The following FERMT2 variants were observed in gnomAD, a reference collection of about 807,000 sequenced individuals.
FERMT2 encodes the protein fermitin family homolog 2.
In FERMT2, 15 loss-of-function variants were observed where a neutral mutation model predicts 82.7. The observed-to-expected ratio is 0.18, with a 90% confidence interval of 0.12 to 0.28. FERMT2 has a LOEUF of 0.28. Among genes scored for constraint, FERMT2 ranks in the 10% least tolerant of loss-of-function variants. FERMT2 has a pLI of 1.00. For missense variants in FERMT2, 645 were observed against 809.4 expected, an observed-to-expected ratio of 0.80 and a Z score of 2.46; for synonymous variants, 274 against 271.5, an observed-to-expected ratio of 1.01 and a Z score of -0.09.
chr14:52,888,496 T>C (rs1886739329), intron 4 of FERMT2, among the ~76,000 whole-genome samples: 1 of 152,248 alleles, frequency 6.6e-6, no homozygotes, highest in African/African-American at 2.4e-5. Flanking sequence ...TCTGGAACTA[T>C]TACAAAATTA....
At chr14:52,891,618 G>T (rs1886938698) in intron 4 of FERMT2, among the ~76,000 whole-genome samples, 2 of 152,068 alleles carry the variant, frequency 1.3e-5, no homozygotes, top group Admixed American at 1.3e-4. Context: ...ATGAAATAGT[G>T]GTGGGCACTG....
intron 4 of FERMT2, among the ~76,000 whole-genome samples, chr14:52,891,572 T>C (rs566140086): frequency 2.6e-5 from 4 of 152,140 alleles, no homozygotes; most frequent in East Asian, 1.9e-4. Flanking sequence ...CAAAGAGCTG[T>C]AGTGAGAATT....
chr14:52,907,926 T>C (rs138479194), intron 3 of FERMT2, among the ~76,000 whole-genome samples: 5 of 152,320 alleles, frequency 3.3e-5, no homozygotes, highest in African/African-American at 1.2e-4. Flanking sequence ...AAGCCACAGA[T>C]TGTGAGAAAA....
rs2140118302 is a variant in FERMT2, at chr14:52,881,296, C to A, written c.700G>T (p.Ala234Ser). ...SQPITSPEIL[A>S]KMFKPQALLD... ...AGAGCTTGAGGCTTGAACATTTTTG[C>A]CAAGATTTCTGGTGACGTGATTGGT... The change falls in exon 5 of 15, where the codon GCA becomes TCA. Residue 234 changes from alanine to serine, a missense_variant. Ala to Ser is a moderately conservative substitution (Grantham distance 99). Transcript: ENST00000341590. 6.2e-7 allele frequency: 1 copy of A among 1,613,910 alleles called. No individual in the cohort carries two copies. The highest frequency in any genetic ancestry group is 8.5e-7 in the Non-Finnish European group (1 of 1,179,970).
intron 3 of FERMT2, among the ~76,000 whole-genome samples, chr14:52,905,849 T>C (rs1049951372): frequency 2.0e-5 from 3 of 152,208 alleles, no homozygotes; most frequent in East Asian, 1.9e-4. Flanking sequence ...TTTGTTATTA[T>C]ATGTAATGCT....
intron 4 of FERMT2, among the ~76,000 whole-genome samples, chr14:52,884,955 T>C (rs376166116): frequency 4.0e-5 from 6 of 151,034 alleles, no homozygotes; most frequent in African/African-American, 1.5e-4. Flanking sequence ...TGAGCAGAGA[T>C]TGTGCCACTG....
intron 3 of FERMT2, among the ~76,000 whole-genome samples, chr14:52,913,420 C>T (rs894601067): frequency 6.6e-6 from 1 of 152,124 alleles, no homozygotes; most frequent in African/African-American, 2.4e-5. Context: ...ACCACTTCTG[C>T]CACTAGAATG....
At chr14:52,948,207 C>T (rs192208675) in intron 2 of FERMT2, among the ~76,000 whole-genome samples, 77 of 152,318 alleles carry the variant, frequency 5.1e-4, no homozygotes, top group African/African-American at 1.7e-3. Flanking sequence ...AGTAGTCATC[C>T]AGTCTGCCCT....
At position 52,881,396 on chromosome 14, in the gene FERMT2, G is replaced by C. The variant is rs772139583; in HGVS notation, c.600C>G (p.Pro200=). 1 of 1,613,964 alleles carries C rather than the reference G, an allele frequency of 6.2e-7. No homozygotes were observed. The highest frequency in any genetic ancestry group is 1.1e-5 in the South Asian group (1 of 91,078). Residue 200 remains proline (P), a synonymous_variant, in exon 5 of 15, where the codon CCC becomes CCG. Coordinates refer to ENST00000341590, the MANE Select transcript of FERMT2 (RefSeq NM_006832.3). ...CAAACCAAGCAGAAGTTGGTGACAA[G>C]GGGCTTCCATCATGAGCATCATAAG... is the stretch of plus-strand genomic sequence containing the variant. ...TPTYDAHDGS[P]LSPTSAWFGD...
chr14:52,902,927 C>CAAAAAAAAAAAA (rs761269935), intron 3 of FERMT2, among the ~76,000 whole-genome samples: 1 of 63,868 alleles, frequency 1.6e-5, no homozygotes, highest in Admixed American at 1.8e-4. Flanking sequence ...TGATAGCCAC[C>CAAAAAAAAAAAA]AAAAAAAAAA....
chr14:52,880,958 G>T, intron 6 of FERMT2, 78 bp downstream of exon 6: 1 of 870,176 alleles, frequency 1.1e-6, no homozygotes, highest in Non-Finnish European at 1.8e-6. Flanking sequence ...TTATTCCACC[G>T]ACTTCCAAAA....
chr14:52,943,139 C>A (rs1043115198), intron 2 of FERMT2, among the ~76,000 whole-genome samples: 2 of 144,362 alleles, frequency 1.4e-5, no homozygotes, highest in African/African-American at 2.7e-5. Flanking sequence ...ACTTGGGAGG[C>A]GGAGGTTGCA....
At chr14:52,910,359 A>T (rs763852731) in intron 3 of FERMT2, among the ~76,000 whole-genome samples, 2 of 152,346 alleles carry the variant, frequency 1.3e-5, no homozygotes, top group Middle Eastern at 3.4e-3. Flanking sequence ...TTGATAACAC[A>T]GAATGGTAAC....
rs1886866628 is a variant in FERMT2, at chr14:52,890,373, G to A, written c.526+2920C>T. On this transcript the variant is annotated intron_variant, in intron 4 of 14. Transcript: ENST00000341590. ...GCAGGAGAATCGCTTGAACCCAGGA[G>A]GCGGAGGTTGCAGTGAGCCGAGATC... Among the ~76,000 whole-genome samples the A allele has an allele frequency of 3.3e-5, 5 of 150,130 alleles. 1 individual carries two copies. Among genetic ancestry groups the A allele is most frequent in the African/African-American group, 9.8e-5 (4 of 40,934 alleles).
intron 3 of FERMT2, among the ~76,000 whole-genome samples, chr14:52,911,855 C>T (rs1888330513): frequency 6.6e-6 from 1 of 151,794 alleles, no homozygotes; most frequent in Admixed American, 6.6e-5. Context: ...TATTTAAGAC[C>T]AATTAGCTGT....
rs560990473 is a variant in FERMT2 at position 52,914,501 on chromosome 14, C to A, written c.391+4622G>T. 8.5e-5 allele frequency among the ~76,000 whole-genome samples: 13 copies of A among 152,246 alleles called. 1 individual carries two copies. In the South Asian group the frequency reaches 2.7e-3, roughly 32 times the overall value. On this transcript the variant is annotated intron_variant, in intron 3 of 14. Coordinates refer to ENST00000341590, the MANE Select transcript of FERMT2 (RefSeq NM_006832.3). ...AACACAACAACAGTCATCATTACCG[C>A]TATTATGCAATACTGTACTAGAGGT...
chr14:52,872,832 T>G lies in FERMT2; in HGVS notation c.1240A>C (p.Ser414Arg). The change falls in exon 10 of 15, where the codon AGT becomes CGT. Residue 414 changes from serine to arginine, a missense_variant. Transcript: ENST00000341590. ...TTCATCTGATGAGCTGGTGTGCCAC[T>G]GGATTCTTCTTTGCTCTTATAACAA... is the stretch of plus-strand genomic sequence containing the variant. Reference protein sequence around the residue: ...ISCYKSKEESSGTPAHQMNLR... With the variant: ...ISCYKSKEESRGTPAHQMNLR... 6.2e-7 allele frequency: 1 copy of G among 1,614,046 alleles called. No homozygotes were observed. Among genetic ancestry groups the G allele is most frequent in the Non-Finnish European group, 8.5e-7 (1 of 1,179,922 alleles).
chr14:52,919,128 G>C lies in FERMT2; in HGVS notation c.386C>G (p.Thr129Ser). ...AGAATTTATGTAATACTTACTAAAAGTCTTACAGATGTCAGAAACAGCTTT... is the reference window on the plus strand; with the variant it reads ...AGAATTTATGTAATACTTACTAAAACTCTTACAGATGTCAGAAACAGCTTT... Reference protein sequence around the residue: ...VFKAVSDICKTFNIRHPEELS... With the variant: ...VFKAVSDICKSFNIRHPEELS... Residue 129 changes from threonine (T) to serine (S), a missense_variant, in exon 3 of 15, where the codon ACT (threonine) becomes AGT (serine). Transcript: ENST00000341590. 1 of 1,599,768 alleles carries C rather than the reference G, an allele frequency of 6.3e-7. No homozygotes were observed. The highest frequency in any genetic ancestry group is 8.6e-7 in the Non-Finnish European group (1 of 1,167,362).
intron 9 of FERMT2, 93 bp downstream of exon 9, chr14:52,874,084 G>C (rs928443985): frequency 1.3e-5 from 10 of 741,612 alleles, no homozygotes; most frequent in African/African-American, 7.3e-5. Flanking sequence ...AGATGCGTTT[G>C]TTAGTCAAAC....
Sources: allele counts gnomAD v4.1 joint callset (sites outside exome capture counted in the v4.1 genomes callset), GRCh38; gene constraint gnomAD v4.1.1; transcripts MANE v1.5; gene names NCBI Gene and HGNC (gene_info 2026-07-23, HGNC 2026-07-21).